The following ZNF385B variants were observed in gnomAD, a reference collection of about 807,000 sequenced individuals.
The protein encoded by ZNF385B is zinc finger protein 385B, also known as zinc finger protein 533.
A neutral mutation model predicts 39.2 loss-of-function variants in ZNF385B; 23 were observed. The ratio of observed to expected loss-of-function variants is 0.59; its 90% CI spans 0.42 to 0.83. The LOEUF is 0.83. Ranked by LOEUF, ZNF385B falls within the 40% of genes least tolerant of loss-of-function variation. The probability of loss-of-function intolerance (pLI) is 0.00; values close to 1 mark genes in which losing one functional copy is unlikely to be tolerated. For missense variants in ZNF385B, 552 were observed against 598.9 expected (o/e 0.92, Z 0.82); for synonymous variants, 205 against 222.6 (o/e 0.92, Z 0.70).
intron 3 of ZNF385B, among the ~76,000 whole-genome samples, chr2:179,607,260 T>C (rs1408968161): frequency 6.6e-6 from 1 of 152,140 alleles, no homozygotes; most frequent in African/African-American, 2.4e-5. Flanking sequence ...AAATCCTATC[T>C]TGAATTGTAA....
At chr2:179,584,070 G>T in intron 3 of ZNF385B, 2 of 586,174 alleles carry the variant, frequency 3.4e-6, no homozygotes, top group South Asian at 1.5e-5. Flanking sequence ...ATAGTCTACT[G>T]GGAGAAACAG....
intron 1 of ZNF385B, among the ~76,000 whole-genome samples, chr2:179,805,175 C>T (rs1017442181): frequency 3.9e-5 from 6 of 152,132 alleles, no homozygotes; most frequent in Non-Finnish European, 8.8e-5. Flanking sequence ...AAAACCATGC[C>T]ATATGGAGAG....
intron 3 of ZNF385B, among the ~76,000 whole-genome samples, chr2:179,712,375 C>A (rs544518212): frequency 6.6e-6 from 1 of 152,306 alleles, no homozygotes; most frequent in Non-Finnish European, 1.5e-5. Flanking sequence ...CTTGTTCATG[C>A]ACGAAACAGA....
At chr2:179,658,399 A>G (rs1559043439) in intron 3 of ZNF385B, among the ~76,000 whole-genome samples, 1 of 152,230 alleles carries the variant, frequency 6.6e-6, no homozygotes, top group East Asian at 1.9e-4. Context: ...AGTGTTGCCA[A>G]TATCACAGGA....
intron 3 of ZNF385B, among the ~76,000 whole-genome samples, chr2:179,676,178 T>C (rs1696755580): frequency 6.6e-6 from 1 of 150,794 alleles, no homozygotes; most frequent in African/African-American, 2.4e-5. Context: ...AAGCTCTACC[T>C]CCCGGGTTCA....
intron 3 of ZNF385B, among the ~76,000 whole-genome samples, chr2:179,670,605 T>C (rs1219600188): frequency 6.6e-6 from 1 of 152,206 alleles, no homozygotes; most frequent in Non-Finnish European, 1.5e-5. Context: ...ATTTAATAAC[T>C]GGCAAAAGTT....
intron 6 of ZNF385B, among the ~76,000 whole-genome samples, chr2:179,469,493 GTAA>G (rs1241953347): frequency 6.6e-6 from 1 of 152,092 alleles, no homozygotes; most frequent in Non-Finnish European, 1.5e-5. Flanking sequence ...CCCCTTTCTG[GTAA>G]TATCTTCCTG....
At chr2:179,546,412 A>C (rs979626211) in intron 3 of ZNF385B, among the ~76,000 whole-genome samples, 5 of 152,054 alleles carry the variant, frequency 3.3e-5, no homozygotes, top group Non-Finnish European at 7.4e-5. Flanking sequence ...TCATCATTCT[A>C]TTCTCTGTGT....
intron 3 of ZNF385B, among the ~76,000 whole-genome samples, chr2:179,563,049 T>C (rs542123902): frequency 6.6e-6 from 1 of 152,330 alleles, no homozygotes; most frequent in African/African-American, 2.4e-5. Context: ...TAAAGATTCA[T>C]ATAGTTCAAA....
In ZNF385B at chr2:179,623,436, A is replaced by G. The variant is rs372594124; in HGVS notation, c.299-78467T>C. On this transcript the variant is annotated intron_variant, in intron 3 of 9. Transcript: ENST00000410066. The stretch of plus-strand genomic sequence containing the variant: ...ATCCTTGAGGCTAAGATGTGAGTAC[A>G]TGACTTAGACTCAGCTGATCGGACA... Among the ~76,000 whole-genome samples, 16 of 152,256 alleles carry G rather than the reference A, an allele frequency of 1.1e-4. No individual in the cohort carries two copies. The East Asian group carries it at 3.1e-3, about 29-fold the overall frequency.
At chr2:179,755,309 A>C (rs1360436971) in intron 3 of ZNF385B, among the ~76,000 whole-genome samples, 2 of 152,140 alleles carry the variant, frequency 1.3e-5, no homozygotes, top group African/African-American at 4.8e-5. Context: ...GTTTGTTATA[A>C]TTTCTGTTCT....
intron 3 of ZNF385B, among the ~76,000 whole-genome samples, chr2:179,702,876 T>C (rs1699314976): frequency 6.6e-6 from 1 of 152,180 alleles, no homozygotes; most frequent in South Asian, 2.1e-4. Context: ...TTCTGCTCTT[T>C]CTCCCGCATC....
At chr2:179,672,331 T>C (rs1461061739) in intron 3 of ZNF385B, among the ~76,000 whole-genome samples, 7 of 152,202 alleles carry the variant, frequency 4.6e-5, no homozygotes, top group Non-Finnish European at 1.0e-4. Flanking sequence ...TGAAGGGGAA[T>C]TTGCCTCAGA....
chr2:179,489,790 CA>C (rs1283120603), intron 5 of ZNF385B, among the ~76,000 whole-genome samples: 2 of 152,182 alleles, frequency 1.3e-5, no homozygotes, highest in African/African-American at 4.8e-5. Context: ...GTAAGGCCTG[CA>C]ATATCAGTAA....
chr2:179,670,013 C>T (rs113124506), intron 3 of ZNF385B, among the ~76,000 whole-genome samples: 1 of 151,972 alleles, frequency 6.6e-6, no homozygotes, highest in Non-Finnish European at 1.5e-5. Context: ...TGGTGCTGGC[C>T]GGGCGCGGTG....
At chr2:179,700,191 C>T (rs540202117) in intron 3 of ZNF385B, among the ~76,000 whole-genome samples, 2 of 152,238 alleles carry the variant, frequency 1.3e-5, no homozygotes, top group South Asian at 4.1e-4. Flanking sequence ...ATCTATCTGT[C>T]TTAAATGATC....
At chr2:179,519,298 G>C (rs1358948876) in intron 4 of ZNF385B, among the ~76,000 whole-genome samples, 14 of 152,180 alleles carry the variant, frequency 9.2e-5, no homozygotes, top group Admixed American at 9.2e-4. Flanking sequence ...AGCACAGAAA[G>C]TATTGACTGA....
intron 5 of ZNF385B, among the ~76,000 whole-genome samples, chr2:179,508,186 C>T (rs148868600): frequency 0.013 from 1,942 of 152,256 alleles, 41 homozygotes; most frequent in African/African-American, 0.043. Context: ...AGACAAGCTA[C>T]AGCAAACCAA....
chr2:179,527,686 T>G (rs917460137), intron 4 of ZNF385B, among the ~76,000 whole-genome samples: 1 of 152,154 alleles, frequency 6.6e-6, no homozygotes, highest in African/African-American at 2.4e-5. Flanking sequence ...CCTTAGGAAT[T>G]TTTGCTCCTT....
Sources: gnomAD v4.1 joint callset for allele counts (sites outside exome capture counted in the v4.1 genomes callset) on GRCh38, gnomAD v4.1.1 for gene constraint, MANE v1.5 for transcripts, NCBI Gene and HGNC (gene_info 2026-07-23, HGNC 2026-07-21) for gene names.